Variants in DLGAP2 observed in about 807,000 individuals in gnomAD.
The protein encoded by DLGAP2 is DLG associated protein 2.
Under a neutral mutation model 100.3 loss-of-function variants are expected in DLGAP2, and 26 were observed. That is an observed-to-expected ratio of 0.26 (90% CI 0.19 to 0.36). The LOEUF (loss-of-function observed/expected upper bound fraction) is 0.36, where lower values mean the gene tolerates loss of function less well. Ranked by LOEUF, DLGAP2 falls within the 10% of genes least tolerant of loss-of-function variation. DLGAP2 has a pLI of 1.00. For missense variants in DLGAP2, 1,858 were observed against 1,453.2 expected, an observed-to-expected ratio of 1.28 and a Z score of -4.53; for synonymous variants, 886 against 630.1, an observed-to-expected ratio of 1.41 and a Z score of -6.08.
chr8:1,185,891 G>A lies in DLGAP2; in HGVS notation c.74-72960G>A, dbSNP rs143306126. On this transcript the variant is annotated intron_variant, in intron 2 of 14. Coordinates refer to ENST00000637795, the MANE Select transcript of DLGAP2 (RefSeq NM_001346810.2). ...CAACTTGCCCCACAGAGAACACTCC[G>A]GAACTGAGAAGCAGGTTCCCTTCTG... is the stretch of plus-strand genomic sequence containing the variant. Among the ~76,000 whole-genome samples the A allele has an allele frequency of 4.5e-3, 679 of 152,180 alleles. 3 individuals carry two copies. The highest frequency in any genetic ancestry group is 0.014 in the Middle Eastern group (4 of 294).
At position 1,482,722 on chromosome 8, in the gene DLGAP2, T is replaced by C. The variant is rs57883392; in HGVS notation, c.107-18644T>C. Among the ~76,000 whole-genome samples, 889 of 152,350 alleles carry C rather than the reference T, an allele frequency of 5.8e-3. 13 individuals carry two copies. The highest frequency in any genetic ancestry group is 0.02 in the African/African-American group (852 of 41,592). The stretch of plus-strand genomic sequence containing the variant: ...CTCACCTGACCTGGGATGCGCTTCC[T>C]TCCACAGCTGTAGCCCTCGGCGTCT... On this transcript the variant is annotated intron_variant, in intron 3 of 14. Coordinates refer to ENST00000637795, the MANE Select transcript of DLGAP2 (RefSeq NM_001346810.2).
chr8:1,512,543 G>A (rs79685073), intron 4 of DLGAP2, among the ~76,000 whole-genome samples: 4,310 of 152,144 alleles, frequency 0.028, 78 homozygotes, highest in Middle Eastern at 0.034. Flanking sequence ...TGTGACTGAC[G>A]CACTCCCCCG....
At position 872,394 on chromosome 8, in the gene DLGAP2, C is replaced by T. The variant is rs535422858; in HGVS notation, c.19-35518C>T. Among the ~76,000 whole-genome samples, 146 of 146,334 alleles carry T rather than the reference C, an allele frequency of 1.0e-3. 2 individuals carry two copies. Among genetic ancestry groups the T allele is most frequent in the African/African-American group, 3.6e-3 (142 of 39,782 alleles). ...TGCTGCCCAGGCTGGAGTACAACGG[C>T]GCGATCTCGGCTCACAGCAACCTCT... On this transcript the variant is annotated intron_variant, in intron 1 of 14. Transcript: ENST00000637795.
intron 2 of DLGAP2, among the ~76,000 whole-genome samples, chr8:967,824 A>T (rs1400124704): frequency 0.038 from 89 of 2,348 alleles, 12 homozygotes; most frequent in South Asian, 0.12. Context: ...CACTATATAT[A>T]TATATATATA....
At chr8:1,249,491 G>C (rs1798989627) in intron 2 of DLGAP2, among the ~76,000 whole-genome samples, 1 of 152,186 alleles carries the variant, frequency 6.6e-6, no homozygotes, top group African/African-American at 2.4e-5. Flanking sequence ...CTAGGAAAGA[G>C]ATTGCACTGA....
chr8:880,357 C>A lies in DLGAP2; in HGVS notation c.19-27555C>A, dbSNP rs556078061. Among the ~76,000 whole-genome samples the A allele has an allele frequency of 1.4e-4, 21 of 152,214 alleles. 1 individual carries two copies. Among genetic ancestry groups the A allele is most frequent in the Non-Finnish European group, 2.6e-4 (18 of 68,038 alleles). ...TGTGCTTCTGTCTCACATGAGACAC[C>A]ATAAATCATTCCCCAGGAAAGTGTC... On this transcript the variant is annotated intron_variant, in intron 1 of 14. Coordinates refer to ENST00000637795, the MANE Select transcript of DLGAP2 (RefSeq NM_001346810.2).
rs1799675750 is a variant in DLGAP2 at position 1,705,263 on chromosome 8, C to T, written c.*3857C>T. 6.6e-6 allele frequency: 1 copy of T among 152,282 alleles called. No homozygotes were observed. Among genetic ancestry groups the T allele is most frequent in the African/African-American group, 2.4e-5 (1 of 41,456 alleles). The allele number at this position is 152,282 out of a possible 1,614,324, so 9.4% of individuals were successfully genotyped here. ...TCGGCAGCAATTCCATCAAGCCAAGCCTCCTGTGGTCCTGAGCATGAAGGG... is the reference window on the plus strand; with the variant it reads ...TCGGCAGCAATTCCATCAAGCCAAGTCTCCTGTGGTCCTGAGCATGAAGGG... On this transcript the variant is annotated 3_prime_UTR_variant, in exon 15 of 15. Coordinates refer to ENST00000637795, the MANE Select transcript of DLGAP2 (RefSeq NM_001346810.2).
At chr8:1,202,065 G>C (rs1324289458) in intron 2 of DLGAP2, among the ~76,000 whole-genome samples, 2 of 152,064 alleles carry the variant, frequency 1.3e-5, no homozygotes, top group African/African-American at 2.4e-5. Context: ...TGATGTGTGT[G>C]TATGTGTACG....
intron 9 of DLGAP2, among the ~76,000 whole-genome samples, chr8:1,669,199 C>G (rs1798625140): frequency 6.6e-6 from 1 of 152,202 alleles, no homozygotes; most frequent in Non-Finnish European, 1.5e-5. Flanking sequence ...TGGCAGGCCC[C>G]TCAGCTGGGG....
chr8:1,349,294 C>T (rs1801646882), intron 3 of DLGAP2, among the ~76,000 whole-genome samples: 1 of 150,410 alleles, frequency 6.6e-6, no homozygotes, highest in Admixed American at 6.7e-5. Context: ...GACATCCACA[C>T]ATGTCATGAG....
intron 1 of DLGAP2, among the ~76,000 whole-genome samples, chr8:838,124 T>A (rs1796915785): frequency 6.6e-6 from 1 of 152,030 alleles, no homozygotes; most frequent in African/African-American, 2.4e-5. Flanking sequence ...GAATTAAATT[T>A]ATGCAGACTC....
intron 3 of DLGAP2, among the ~76,000 whole-genome samples, chr8:1,485,726 T>C (rs1184235637): frequency 1.3e-5 from 2 of 152,172 alleles, no homozygotes; most frequent in East Asian, 1.9e-4. Flanking sequence ...AGGGAGGTCA[T>C]AGAAGGTCAG....
At chr8:990,180 T>C (rs1800617201) in intron 2 of DLGAP2, among the ~76,000 whole-genome samples, 1 of 152,038 alleles carries the variant, frequency 6.6e-6, no homozygotes, top group Non-Finnish European at 1.5e-5. Context: ...TAGTGGTCCA[T>C]TCTTTTTGTT....
chr8:1,127,099 A>T (rs1194832712), intron 2 of DLGAP2, among the ~76,000 whole-genome samples: 1 of 120,812 alleles, frequency 8.3e-6, no homozygotes, highest in Non-Finnish European at 1.7e-5. Context: ...CTGTCCCAGC[A>T]CAGCTCTTAA....
intron 1 of DLGAP2, among the ~76,000 whole-genome samples, chr8:898,571 C>T (rs1214782982): frequency 6.6e-6 from 1 of 152,166 alleles, no homozygotes; most frequent in African/African-American, 2.4e-5. Context: ...CCTGGAGAAG[C>T]CGCAGGTTTG....
At chr8:1,360,699 C>A (rs1028358084) in intron 3 of DLGAP2, among the ~76,000 whole-genome samples, 4 of 152,176 alleles carry the variant, frequency 2.6e-5, no homozygotes, top group African/African-American at 7.2e-5. Context: ...CCACACCGCC[C>A]CCACCATGGA....
At chr8:1,292,065 G>A (rs1048282764) in intron 3 of DLGAP2, among the ~76,000 whole-genome samples, 4 of 152,330 alleles carry the variant, frequency 2.6e-5, no homozygotes, top group South Asian at 2.1e-4. Flanking sequence ...TCAGTAGAAT[G>A]TTCCAACTCT....
chr8:1,417,638 G>GCACA (rs1563134099), intron 3 of DLGAP2, among the ~76,000 whole-genome samples: 1 of 148,388 alleles, frequency 6.7e-6, no homozygotes, highest in Non-Finnish European at 1.5e-5. Flanking sequence ...CCTCCAGGGG[G>GCACA]GCACGGGGAG....
rs1563043509 is a variant in DLGAP2 at position 1,255,061 on chromosome 8, A to ATCCTGCCCGGCCGCTGTGTGTGTGTCTTC, written c.74-3764_74-3763insTTCTCCTGCCCGGCCGCTGTGTGTGTGTC. 1.0e-3 allele frequency among the ~76,000 whole-genome samples: 75 copies of ATCCTGCCCGGCCGCTGTGTGTGTGTCTTC among 73,804 alleles called. 3 individuals are homozygous for ATCCTGCCCGGCCGCTGTGTGTGTGTCTTC. The highest frequency in any genetic ancestry group is 3.5e-3 in the African/African-American group (62 of 17,530). The allele number at this position is 73,804 out of a possible 152,430, so 48.4% of individuals were successfully genotyped here. On this transcript the variant is annotated intron_variant, in intron 2 of 14. Transcript: ENST00000637795. ...CCAGCCGCTGTGTGTGTGTCCTCTCATCCTGCCCGGCCGCTGTGTGTGTGT... is the reference window on the plus strand; with the variant it reads ...CCAGCCGCTGTGTGTGTGTCCTCTCATCCTGCCCGGCCGCTGTGTGTGTGTCTTCTCCTGCCCGGCCGCTGTGTGTGTGT...
Sources: allele counts gnomAD v4.1 joint callset (sites outside exome capture counted in the v4.1 genomes callset), GRCh38; gene constraint gnomAD v4.1.1; transcripts MANE v1.5; gene names NCBI Gene and HGNC (gene_info 2026-07-23, HGNC 2026-07-21).